Variants in NBEA observed in about 807,000 individuals in gnomAD.
The protein encoded by NBEA is neurobeachin, also known as lysosomal-trafficking regulator 2.
A neutral mutation model predicts 343.4 loss-of-function variants in NBEA; 44 were observed. That is an observed-to-expected ratio of 0.13 (90% CI 0.10 to 0.16). The LOEUF (loss-of-function observed/expected upper bound fraction) is 0.16. NBEA is among the 10% of genes least tolerant of loss of function. The probability of loss-of-function intolerance (pLI) is 1.00; values close to 1 mark genes in which losing one functional copy is unlikely to be tolerated. For missense variants in NBEA, 2,555 were observed against 3,631.3 expected, an observed-to-expected ratio of 0.70 and a Z score of 7.62; for synonymous variants, 1,175 against 1,238.7, an observed-to-expected ratio of 0.95 and a Z score of 1.08.
intron 1 of NBEA, among the ~76,000 whole-genome samples, chr13:35,037,496 A>G (rs1266982943): frequency 6.6e-6 from 1 of 152,010 alleles, no homozygotes; most frequent in East Asian, 1.9e-4. Context: ...AGAGTTAGGT[A>G]TTTATTGTAC....
intron 38 of NBEA, among the ~76,000 whole-genome samples, chr13:35,392,370 T>C (rs2042544416): frequency 6.6e-6 from 1 of 152,050 alleles, no homozygotes; most frequent in African/African-American, 2.4e-5. Context: ...GTTACAGATC[T>C]CCAATCCCTT....
intron 33 of NBEA, among the ~76,000 whole-genome samples, chr13:35,212,489 G>T (rs927593364): frequency 6.6e-6 from 1 of 152,022 alleles, no homozygotes; most frequent in African/African-American, 2.4e-5. Context: ...TAATTACTAT[G>T]AGTATACTAC....
intron 38 of NBEA, among the ~76,000 whole-genome samples, chr13:35,430,615 C>G (rs567834806): frequency 6.6e-6 from 1 of 152,198 alleles, no homozygotes; most frequent in African/African-American, 2.4e-5. Context: ...TTTACATACT[C>G]TTTCCAGAAC....
chr13:35,368,362 C>T (rs2041244417), intron 38 of NBEA, among the ~76,000 whole-genome samples: 1 of 151,378 alleles, frequency 6.6e-6, no homozygotes, highest in African/African-American at 2.4e-5. Flanking sequence ...CCTGTCTCAG[C>T]CTTTTTGTGA....
At chr13:35,236,031 G>A (rs930593409) in intron 34 of NBEA, among the ~76,000 whole-genome samples, 1 of 152,100 alleles carries the variant, frequency 6.6e-6, no homozygotes. Context: ...TAAACTATAT[G>A]GATGTAATAT....
chr13:35,398,152 C>A (rs1297568569), intron 38 of NBEA, among the ~76,000 whole-genome samples: 1 of 152,088 alleles, frequency 6.6e-6, no homozygotes, highest in Admixed American at 6.6e-5. Context: ...CTCAAGAAAC[C>A]GTTTTCTTTG....
chr13:35,652,428 C>T (rs1176653538), intron 53 of NBEA, among the ~76,000 whole-genome samples: 1 of 150,828 alleles, frequency 6.6e-6, no homozygotes, highest in Admixed American at 6.6e-5. Flanking sequence ...ATCACGAGGT[C>T]AGGAGATCGA....
At chr13:35,222,228 T>A (rs2074407690) in intron 33 of NBEA, among the ~76,000 whole-genome samples, 1 of 152,136 alleles carries the variant, frequency 6.6e-6, no homozygotes, top group Non-Finnish European at 1.5e-5. Flanking sequence ...TTTTTGGTAA[T>A]TTTTAAGTTG....
At chr13:35,090,154 G>A (rs2065008730) in intron 10 of NBEA, among the ~76,000 whole-genome samples, 1 of 151,802 alleles carries the variant, frequency 6.6e-6, no homozygotes, top group Non-Finnish European at 1.5e-5. Context: ...GACCTTAGTG[G>A]CTTTATACAG....
At chr13:35,497,155 A>G (rs1016529937) in intron 41 of NBEA, among the ~76,000 whole-genome samples, 3 of 151,960 alleles carry the variant, frequency 2.0e-5, no homozygotes, top group Admixed American at 6.6e-5. Context: ...AGGTTATCTC[A>G]TAAGCTGTGA....
chr13:35,301,982 G>T (rs528882778), intron 35 of NBEA, among the ~76,000 whole-genome samples: 3 of 152,218 alleles, frequency 2.0e-5, no homozygotes, highest in Non-Finnish European at 1.5e-5. Context: ...TAGTTTTAGT[G>T]CTGTCTGTAT....
intron 1 of NBEA, among the ~76,000 whole-genome samples, chr13:35,039,840 A>G (rs2062584420): frequency 1.3e-5 from 2 of 151,932 alleles, no homozygotes; most frequent in Admixed American, 1.3e-4. Context: ...CTCTTTTCTC[A>G]TCTACTCATA....
At chr13:35,269,064 G>A (rs937922802) in intron 34 of NBEA, among the ~76,000 whole-genome samples, 1 of 151,996 alleles carries the variant, frequency 6.6e-6, no homozygotes, top group Admixed American at 6.6e-5. Flanking sequence ...TGGAAACATG[G>A]ACACATACAA....
intron 33 of NBEA, among the ~76,000 whole-genome samples, chr13:35,220,118 T>A (rs759711851): frequency 6.6e-6 from 1 of 152,128 alleles, no homozygotes; most frequent in African/African-American, 2.4e-5. Flanking sequence ...GAGGTCCTAT[T>A]CCCAGACAAT....
intron 38 of NBEA, among the ~76,000 whole-genome samples, chr13:35,424,566 G>A (rs1347798106): frequency 1.3e-5 from 2 of 152,116 alleles, no homozygotes; most frequent in East Asian, 1.9e-4. Flanking sequence ...TTTTATTGAG[G>A]ATTTTTGCAT....
intron 34 of NBEA, among the ~76,000 whole-genome samples, chr13:35,270,573 G>A (rs536321228): frequency 6.6e-6 from 1 of 152,314 alleles, no homozygotes; most frequent in South Asian, 2.1e-4. Context: ...CCCTTTCCTA[G>A]CCAAGGGAAG....
chr13:35,026,805 G>T (rs2062034198), intron 1 of NBEA, among the ~76,000 whole-genome samples: 1 of 152,018 alleles, frequency 6.6e-6, no homozygotes, highest in Admixed American at 6.6e-5. Flanking sequence ...CAGTATATCT[G>T]CTACTTTGGT....
intron 41 of NBEA, among the ~76,000 whole-genome samples, chr13:35,499,055 C>CA (rs1367142340): frequency 6.6e-6 from 1 of 152,082 alleles, no homozygotes; most frequent in African/African-American, 2.4e-5. Context: ...AAGAAGAAAA[C>CA]AGTCTTGCTA....
chr13:34,944,599 A>G (rs1183441644), intron 1 of NBEA, among the ~76,000 whole-genome samples: 1 of 152,206 alleles, frequency 6.6e-6, no homozygotes, highest in African/African-American at 2.4e-5. Context: ...TCAGAACACT[A>G]CTAGAAATAC....
Sources: gnomAD v4.1 joint callset for allele counts (sites outside exome capture counted in the v4.1 genomes callset) on GRCh38, gnomAD v4.1.1 for gene constraint, MANE v1.5 for transcripts, NCBI Gene and HGNC (gene_info 2026-07-23, HGNC 2026-07-21) for gene names.